Variants in MTHFD2L observed in about 807,000 individuals in gnomAD.
MTHFD2L encodes the protein bifunctional methylenetetrahydrofolate dehydrogenase/cyclohydrolase 2, mitochondrial.
A neutral mutation model predicts 34.9 loss-of-function variants in MTHFD2L; 29 were observed. The observed-to-expected ratio is 0.83, with a 90% CI of 0.62 to 1.13. MTHFD2L has a LOEUF of 1.13. Ranked by LOEUF, MTHFD2L falls within the 50% of genes most tolerant of loss-of-function variation. MTHFD2L has a pLI of 0.00. For missense variants in MTHFD2L, 481 were observed against 446.5 expected, an observed-to-expected ratio of 1.08 and a Z score of -0.70; for synonymous variants, 167 against 155.7, an observed-to-expected ratio of 1.07 and a Z score of -0.54.
At chr4:74,145,802 A>T (rs916422754) in intron 1 of MTHFD2L, among the ~76,000 whole-genome samples, 1 of 152,084 alleles carries the variant, frequency 6.6e-6, no homozygotes, top group Non-Finnish European at 1.5e-5. Context: ...TTCTCACAAG[A>T]TCTGGTTGTT....
intron 5 of MTHFD2L, among the ~76,000 whole-genome samples, chr4:74,217,861 A>G (rs983288298): frequency 2.0e-5 from 3 of 152,174 alleles, no homozygotes; most frequent in Non-Finnish European, 2.9e-5. Context: ...GTGGGAAAGG[A>G]TACAAAAAGC....
chr4:74,174,380 T>TG (rs2109957309), intron 1 of MTHFD2L, 126 bp from the exon 2 acceptor site: 1 of 635,044 alleles, frequency 1.6e-6, no homozygotes, highest in African/African-American at 1.9e-5. Context: ...TCACTATAAT[T>TG]GAAAAAAAAA....
At chr4:74,125,976 T>A (rs1028043741) in intron 1 of MTHFD2L, among the ~76,000 whole-genome samples, 4 of 152,194 alleles carry the variant, frequency 2.6e-5, no homozygotes, top group African/African-American at 9.6e-5. Flanking sequence ...CCATATCATC[T>A]GATCTGCACC....
At chr4:74,227,319 A>G (rs1051053763) in intron 6 of MTHFD2L, among the ~76,000 whole-genome samples, 1 of 152,208 alleles carries the variant, frequency 6.6e-6, no homozygotes, top group African/African-American at 2.4e-5. Context: ...TAGGAATGGT[A>G]CAAGCTTCCT....
chr4:74,276,807 T>A (rs2110262293), intron 6 of MTHFD2L, among the ~76,000 whole-genome samples: 1 of 152,318 alleles, frequency 6.6e-6, no homozygotes. Flanking sequence ...AGATTTTGTA[T>A]GTTTGTCATA....
intron 1 of MTHFD2L, among the ~76,000 whole-genome samples, chr4:74,171,253 A>G (rs1727917399): frequency 6.6e-6 from 1 of 152,170 alleles, no homozygotes; most frequent in Admixed American, 6.5e-5. Flanking sequence ...GATGTTCAAC[A>G]TCAGTATTCG....
At chr4:74,212,840 T>C (rs1413425902) in intron 5 of MTHFD2L, among the ~76,000 whole-genome samples, 1 of 152,178 alleles carries the variant, frequency 6.6e-6, no homozygotes, top group African/African-American at 2.4e-5. Context: ...ACTCTCTCTG[T>C]AGGTCTCTAA....
chr4:74,199,987 T>C (rs1734146855), intron 4 of MTHFD2L, 41 bp downstream of exon 4: 1 of 1,606,332 alleles, frequency 6.2e-7, no homozygotes, highest in Non-Finnish European at 8.5e-7. Context: ...TGCTAGGTGC[T>C]GAGCTGAGCC....
intron 1 of MTHFD2L, among the ~76,000 whole-genome samples, chr4:74,127,819 T>C (rs1283726848): frequency 6.6e-6 from 1 of 152,112 alleles, no homozygotes; most frequent in Non-Finnish European, 1.5e-5. Flanking sequence ...TGGAGGAACC[T>C]CCATACCGTT....
chr4:74,130,288 A>T (rs1343909017), intron 1 of MTHFD2L, among the ~76,000 whole-genome samples: 1 of 152,162 alleles, frequency 6.6e-6, no homozygotes, highest in Non-Finnish European at 1.5e-5. Context: ...AACAAAAAAA[A>T]GAAAACTTCA....
chr4:74,244,870 A>G (rs1423890263), intron 6 of MTHFD2L, among the ~76,000 whole-genome samples: 3 of 152,154 alleles, frequency 2.0e-5, no homozygotes, highest in Non-Finnish European at 4.4e-5. Flanking sequence ...CTACATATGC[A>G]TATGAAGCTG....
intron 1 of MTHFD2L, among the ~76,000 whole-genome samples, chr4:74,151,280 C>T (rs890263961): frequency 3.3e-5 from 5 of 152,168 alleles, no homozygotes; most frequent in Non-Finnish European, 7.4e-5. Flanking sequence ...TAGAATCCAC[C>T]ATTCATTGGA....
intron 1 of MTHFD2L, chr4:74,160,669 G>T (rs184927990): frequency 6.6e-6 from 1 of 152,008 alleles, no homozygotes; most frequent in East Asian, 1.9e-4. Flanking sequence ...CCAGGCAAAA[G>T]GTTAAAAATG....
At chr4:74,158,086 G>A (rs1442533192), upstream of MTHFD2L, 1 of 1,532,188 alleles carries the variant, frequency 6.5e-7, no homozygotes, top group Non-Finnish European at 8.7e-7. Flanking sequence ...CAGCCGCGAG[G>A]ACTGGAGTCG....
rs957588909 is a variant in MTHFD2L at position 74,267,356 on chromosome 4, T to G, written c.806-14069T>G. 2.1e-5 allele frequency: 11 copies of G among 515,610 alleles called. No homozygotes were observed. In the African/African-American group the frequency reaches 2.3e-4, roughly 11 times the overall value. The allele number at this position is 515,610 out of a possible 1,614,324, so 31.9% of individuals were successfully genotyped here. A position where few individuals can be genotyped will look rare whatever the true frequency, so the allele number is the denominator to read the frequency against. On this transcript the variant is annotated intron_variant, in intron 6 of 7. Coordinates refer to ENST00000325278, the MANE Select transcript of MTHFD2L (RefSeq NM_001144978.3). ...CTTTCTTCCTTTCTTTCTCCTTTCT[T>G]TCTTCCTTTCTCTTTTTTCTTTCTT...
intron 3 of MTHFD2L, chr4:74,195,127 G>T (rs1373967596): frequency 2.0e-5 from 3 of 152,198 alleles, no homozygotes; most frequent in African/African-American, 7.2e-5. Context: ...AATGCCTCAT[G>T]TTTTCAAGGA....
At chr4:74,230,312 G>A (rs1054431972) in intron 6 of MTHFD2L, among the ~76,000 whole-genome samples, 11 of 151,878 alleles carry the variant, frequency 7.2e-5, no homozygotes, top group Admixed American at 2.0e-4. Flanking sequence ...AAAGGTGGCC[G>A]GGTGCAGTGG....
upstream of MTHFD2L, among the ~76,000 whole-genome samples, chr4:74,121,210 T>G (rs979875324): frequency 3.9e-5 from 6 of 152,196 alleles, no homozygotes; most frequent in African/African-American, 1.4e-4. Context: ...GTGACCCATT[T>G]GTGAATAAGC....
At chr4:74,208,261 A>G (rs148283254) in intron 5 of MTHFD2L, among the ~76,000 whole-genome samples, 296 of 152,350 alleles carry the variant, frequency 1.9e-3, no homozygotes, top group Middle Eastern at 0.01. Context: ...CATTTTCTAA[A>G]TTGAATAATA....
Sources: allele counts gnomAD v4.1 joint callset (sites outside exome capture counted in the v4.1 genomes callset), GRCh38; gene constraint gnomAD v4.1.1; transcripts MANE v1.5; gene names NCBI Gene and HGNC (gene_info 2026-07-23, HGNC 2026-07-21).